CSMD1: variants seen among roughly 807,000 people sequenced by gnomAD.
The protein encoded by CSMD1 is CUB and Sushi multiple domains 1.
CSMD1 carries 213 observed loss-of-function variants against 417.5 expected under a neutral mutation model. The observed-to-expected ratio is 0.51, with a 90% CI of 0.46 to 0.57. The LOEUF (loss-of-function observed/expected upper bound fraction) is 0.57, where lower values mean the gene tolerates loss of function less well. CSMD1 is among the 20% of genes least tolerant of loss of function. The pLI, the probability that CSMD1 is intolerant of heterozygous loss-of-function variation, is 0.00. For synonymous variants in CSMD1, 2,862 were observed against 1,736.8 expected, an observed-to-expected ratio of 1.65 and a Z score of -16.11; for missense variants, 6,923 against 4,529.7, an observed-to-expected ratio of 1.53 and a Z score of -15.17.
intron 3 of CSMD1, among the ~76,000 whole-genome samples, chr8:4,161,169 T>G (rs945845418): frequency 6.6e-6 from 1 of 152,054 alleles, no homozygotes; most frequent in Non-Finnish European, 1.5e-5. Context: ...TTCAGAAGGA[T>G]GAAGTACTTG....
At chr8:4,738,353 A>T (rs751690473) in intron 1 of CSMD1, among the ~76,000 whole-genome samples, 2 of 152,188 alleles carry the variant, frequency 1.3e-5, no homozygotes, top group Non-Finnish European at 2.9e-5. Context: ...GGCCTCAGAA[A>T]ACTTTCAATC....
intron 13 of CSMD1, 81 bp downstream of exon 13, chr8:3,409,342 C>A: frequency 7.7e-7 from 1 of 1,294,890 alleles, no homozygotes; most frequent in South Asian, 2.2e-5. Context: ...CCTAAATGGG[C>A]GGTCTGTGTC....
chr8:4,589,032 C>T (rs1799854123), intron 2 of CSMD1, among the ~76,000 whole-genome samples: 1 of 151,990 alleles, frequency 6.6e-6, no homozygotes, highest in Non-Finnish European at 1.5e-5. Flanking sequence ...ACGTGTACTA[C>T]ATGCACATTA....
At chr8:4,149,189 C>G (rs917605808) in intron 3 of CSMD1, among the ~76,000 whole-genome samples, 3 of 152,094 alleles carry the variant, frequency 2.0e-5, no homozygotes, top group African/African-American at 7.2e-5. Flanking sequence ...GTCTCGAACT[C>G]CTGACCTCAG....
intron 3 of CSMD1, among the ~76,000 whole-genome samples, chr8:4,369,416 T>A (rs1421895033): frequency 6.6e-6 from 1 of 152,224 alleles, no homozygotes; most frequent in Non-Finnish European, 1.5e-5. Context: ...AAGTATATTC[T>A]ATCACTGTTG....
chr8:3,700,479 T>C (rs1800796462), intron 7 of CSMD1: 1 of 151,814 alleles, frequency 6.6e-6, no homozygotes, highest in African/African-American at 2.4e-5. Flanking sequence ...AGATAGAAGG[T>C]GTGGATGCTC....
Position 4,016,503 on chromosome 8 carries a change from G to A in CSMD1, c.610+15402C>T, listed in dbSNP as rs935938686. Reference sequence around the variant, plus strand: ...TGCAAGCTTCCTGGAGGACAAGGAGGTCCAAGGTTTTAGTGAAGGATCTGG... The same window carrying A: ...TGCAAGCTTCCTGGAGGACAAGGAGATCCAAGGTTTTAGTGAAGGATCTGG... On this transcript the variant is annotated intron_variant, in intron 4 of 69. Transcript: ENST00000635120. Among the ~76,000 whole-genome samples, 4 of 152,098 alleles carry A rather than the reference G, an allele frequency of 2.6e-5. No individual in the cohort carries two copies. The South Asian group carries it at 8.3e-4, about 32-fold the overall frequency.
intron 33 of CSMD1, among the ~76,000 whole-genome samples, chr8:3,198,969 C>T (rs996375058): frequency 6.6e-6 from 1 of 152,142 alleles, no homozygotes; most frequent in Non-Finnish European, 1.5e-5. Flanking sequence ...TGAACAAGAT[C>T]ATTTCTTCCA....
At chr8:3,583,378 A>G (rs1056310287) in intron 9 of CSMD1, among the ~76,000 whole-genome samples, 6 of 151,962 alleles carry the variant, frequency 3.9e-5, no homozygotes, top group Non-Finnish European at 8.8e-5. Context: ...AGGTGCCTCG[A>G]ATAGACTGCT....
At chr8:4,587,667 A>C (rs1799775409) in intron 2 of CSMD1, among the ~76,000 whole-genome samples, 2 of 152,162 alleles carry the variant, frequency 1.3e-5, no homozygotes, top group East Asian at 1.9e-4. Flanking sequence ...ACTATGTCTT[A>C]TGAACTATGC....
chr8:4,408,728 G>T (rs1380871802), intron 3 of CSMD1, among the ~76,000 whole-genome samples: 6 of 152,134 alleles, frequency 3.9e-5, no homozygotes, highest in Non-Finnish European at 5.9e-5. Context: ...TATGAACCTT[G>T]TAGAGGTCAA....
chr8:3,934,234 T>C (rs750857380), intron 5 of CSMD1, among the ~76,000 whole-genome samples: 5 of 152,226 alleles, frequency 3.3e-5, no homozygotes. Flanking sequence ...TGATGAAAAC[T>C]GATGAACTTG....
chr8:3,493,788 G>A (rs1420731367), intron 10 of CSMD1, 62 bp from the exon 11 acceptor site: 34 of 1,347,280 alleles, frequency 2.5e-5, no homozygotes, highest in Non-Finnish European at 3.1e-5. Flanking sequence ...CTTTTAATAG[G>A]TATTGCAAAT....
Position 4,124,388 on chromosome 8 carries a change from G to C in CSMD1, c.416-92289C>G, listed in dbSNP as rs141116794. ...ATGTTTTCTTCTCCATATCAAAAAG[G>C]AGACAGGGGATTTGTATTTAATTTT... On this transcript the variant is annotated intron_variant, in intron 3 of 69. Transcript: ENST00000635120. Among the ~76,000 whole-genome samples the C allele has an allele frequency of 5.2e-3, 694 of 132,792 alleles. 4 individuals carry two copies. Among genetic ancestry groups the C allele is most frequent in the African/African-American group, 0.019 (672 of 35,122 alleles). 87.1% of individuals were successfully genotyped at this position (132,792 alleles called of 152,430 possible). A position where few individuals can be genotyped will look rare whatever the true frequency, so the allele number is the denominator to read the frequency against.
At chr8:4,595,319 G>A (rs188262344) in intron 2 of CSMD1, among the ~76,000 whole-genome samples, 53 of 101,684 alleles carry the variant, frequency 5.2e-4, no homozygotes, top group African/African-American at 1.4e-3. Context: ...GATTTCTAAG[G>A]CAAAGGATAA....
intron 3 of CSMD1, among the ~76,000 whole-genome samples, chr8:4,398,765 A>C (rs1804444277): frequency 6.6e-6 from 1 of 152,186 alleles, no homozygotes; most frequent in Non-Finnish European, 1.5e-5. Flanking sequence ...TCATTTATCA[A>C]AATTATTGAT....
chr8:3,531,499 C>T lies in CSMD1; in HGVS notation c.1345-37773G>A, dbSNP rs79250981. On this transcript the variant is annotated intron_variant, in intron 10 of 69. Transcript: ENST00000635120. ...CTGTCATTGTGAGATTATTGAAATGCCCCAGGGTAGCATAAAGAAGAAGGC... is the reference window on the plus strand; with the variant it reads ...CTGTCATTGTGAGATTATTGAAATGTCCCAGGGTAGCATAAAGAAGAAGGC... Among the ~76,000 whole-genome samples, 50 of 152,122 alleles carry T rather than the reference C, an allele frequency of 3.3e-4. 1 individual carries two copies. The East Asian group carries it at 9.3e-3, about 28-fold the overall frequency.
chr8:3,869,056 G>C (rs370642757), intron 5 of CSMD1, among the ~76,000 whole-genome samples: 1 of 152,166 alleles, frequency 6.6e-6, no homozygotes, highest in Non-Finnish European at 1.5e-5. Context: ...GGGTCCCTTC[G>C]TGGCTGCCAC....
At chr8:3,813,362 G>C (rs1801190603) in intron 5 of CSMD1, among the ~76,000 whole-genome samples, 1 of 152,102 alleles carries the variant, frequency 6.6e-6, no homozygotes, top group Non-Finnish European at 1.5e-5. Flanking sequence ...TTGCAATGAT[G>C]TGAAGTAAAT....
Sources: gnomAD v4.1 joint callset for allele counts (sites outside exome capture counted in the v4.1 genomes callset) on GRCh38, gnomAD v4.1.1 for gene constraint, MANE v1.5 for transcripts, NCBI Gene and HGNC (gene_info 2026-07-23, HGNC 2026-07-21) for gene names.